The following RANBP10 variants were observed in gnomAD, a reference collection of about 807,000 sequenced individuals.
The protein encoded by RANBP10 is ran-binding protein 10.
RANBP10 carries 24 observed loss-of-function variants against 72.8 expected under a neutral mutation model. The ratio of observed to expected loss-of-function variants is 0.33; its 90% CI spans 0.24 to 0.46. The LOEUF (loss-of-function observed/expected upper bound fraction) is 0.46, where lower values mean the gene tolerates loss of function less well. RANBP10 is among the 20% of genes least tolerant of loss of function. RANBP10 has a pLI of 1.00. For synonymous variants in RANBP10, 310 were observed against 322.3 expected (o/e 0.96, Z 0.41); for missense variants, 679 against 817.5 (o/e 0.83, Z 2.07).
intron 3 of RANBP10, among the ~76,000 whole-genome samples, chr16:67,752,235 G>C (rs1466927686): frequency 6.6e-6 from 1 of 152,196 alleles, no homozygotes; most frequent in African/African-American, 2.4e-5. Flanking sequence ...TTAAGTTAAA[G>C]CCCTTGAAGT....
intron 2 of RANBP10, among the ~76,000 whole-genome samples, chr16:67,795,463 C>A (rs530036429): frequency 6.6e-6 from 1 of 151,494 alleles, no homozygotes; most frequent in Non-Finnish European, 1.5e-5. Context: ...CGCTTGAACC[C>A]GGGAGGCGGA....
Position 67,772,056 on chromosome 16 carries a change from G to A in RANBP10, c.378C>T (p.Gly126=), listed in dbSNP as rs906802766. The part of the protein sequence containing the change: ...GYMGIGLSAQ[G]VNMNRLPGWD... ...CACCAGGAAGTCTGTTCATGTTGAC[G>A]CCTTGAGCCGAGAGTCCTATTCCCA... Residue 126 remains glycine, a synonymous_variant, in exon 3 of 14, where the codon GGC becomes GGT. Transcript: ENST00000317506. The A allele has an allele frequency of 1.3e-5, 21 of 1,594,796 alleles. No homozygotes were observed. Among genetic ancestry groups the A allele is most frequent in the East Asian group, 6.8e-5 (3 of 44,390 alleles).
At chr16:67,803,862 G>A (rs1188776653) in intron 2 of RANBP10, among the ~76,000 whole-genome samples, 2 of 149,134 alleles carry the variant, frequency 1.3e-5, no homozygotes, top group African/African-American at 4.9e-5. Context: ...GAGAGAGAGA[G>A]AGAAAGATAC....
chr16:67,799,500 G>A (rs1030961646), intron 2 of RANBP10, among the ~76,000 whole-genome samples: 8 of 152,158 alleles, frequency 5.3e-5, no homozygotes, highest in South Asian at 2.1e-4. Context: ...TGTTAGCCAC[G>A]ATGGTCTCGA....
intron 2 of RANBP10, among the ~76,000 whole-genome samples, chr16:67,799,795 G>A (rs1034153051): frequency 2.0e-5 from 3 of 151,956 alleles, no homozygotes; most frequent in Non-Finnish European, 2.9e-5. Context: ...CGACACCACC[G>A]GTGGGGCCTC....
At chr16:67,767,620 G>A (rs1044748451) in intron 3 of RANBP10, among the ~76,000 whole-genome samples, 238 of 149,396 alleles carry the variant, frequency 1.6e-3, no homozygotes, top group African/African-American at 5.6e-3. Context: ...TTTTTGAGAC[G>A]GCGTCTCGCT....
chr16:67,775,168 AG>A (rs1322009064), intron 2 of RANBP10, among the ~76,000 whole-genome samples: 1 of 151,970 alleles, frequency 6.6e-6, no homozygotes, highest in Non-Finnish European at 1.5e-5. Flanking sequence ...AAAAATTAGC[AG>A]GGTGTGGTGG....
Position 67,730,189 on chromosome 16 carries a change from G to C in RANBP10, c.890-143C>G. 1.4e-6 allele frequency: 1 copy of C among 689,830 alleles called. No homozygotes were observed. The highest frequency in any genetic ancestry group is 2.5e-6 in the Non-Finnish European group (1 of 406,386). The allele number at this position is 689,830 out of a possible 1,614,324, so 42.7% of individuals were successfully genotyped here. A position where few individuals can be genotyped will look rare whatever the true frequency, so the allele number is the denominator to read the frequency against. Reference sequence around the variant, plus strand: ...AATGCTCACAGGAGAGGAGGCTGGAGAAAGAACCTGACTGCCCAGCCCAAC... The same window carrying C: ...AATGCTCACAGGAGAGGAGGCTGGACAAAGAACCTGACTGCCCAGCCCAAC... On this transcript the variant is annotated intron_variant, in intron 7 of 13. Transcript: ENST00000317506. This position sits in a 1 kb window ranked among gnomAD's most constrained non-coding sequence, Gnocchi z 4.3.
intron 2 of RANBP10, among the ~76,000 whole-genome samples, chr16:67,775,382 A>G (rs983628622): frequency 6.6e-6 from 1 of 152,196 alleles, no homozygotes; most frequent in African/African-American, 2.4e-5. Flanking sequence ...CCTTTCATCT[A>G]AGATGCCTGC....
intron 3 of RANBP10, among the ~76,000 whole-genome samples, chr16:67,769,673 G>A (rs1232086615): frequency 2.1e-5 from 3 of 142,882 alleles, no homozygotes; most frequent in Non-Finnish European, 4.5e-5. Flanking sequence ...ACCAACCCAG[G>A]AGGCAGAGCT....
rs2054773556 is a variant in RANBP10 at position 67,779,529 on chromosome 16, T to C, written c.348-7443A>G. On this transcript the variant is annotated intron_variant, in intron 2 of 13. Coordinates refer to ENST00000317506, the MANE Select transcript of RANBP10 (RefSeq NM_020850.3). ...ATTCTCCTGTACACATACTGCAGTA[T>C]CTTTGCATCTATGGAACAGGAAGAA... 2.0e-5 allele frequency among the ~76,000 whole-genome samples: 3 copies of C among 152,092 alleles called. No homozygotes were observed. The South Asian group carries it at 6.2e-4, about 31-fold the overall frequency.
At chr16:67,792,426 G>C (rs1270611745) in intron 2 of RANBP10, among the ~76,000 whole-genome samples, 1 of 152,024 alleles carries the variant, frequency 6.6e-6, no homozygotes, top group Non-Finnish European at 1.5e-5. Context: ...GCCAGGCGTA[G>C]TGGCGGACGC....
chr16:67,787,216 G>A (rs1332227658), intron 2 of RANBP10, among the ~76,000 whole-genome samples: 3 of 152,078 alleles, frequency 2.0e-5, no homozygotes, highest in Admixed American at 2.0e-4. Context: ...TCTAGCCTGG[G>A]TGACAGAGTG....
chr16:67,751,524 C>G (rs1431914270), intron 3 of RANBP10, among the ~76,000 whole-genome samples: 1 of 151,992 alleles, frequency 6.6e-6, no homozygotes, highest in Non-Finnish European at 1.5e-5. Context: ...ACTTGGGAGG[C>G]TGAAGCATGA....
intron 3 of RANBP10, among the ~76,000 whole-genome samples, chr16:67,758,475 C>A (rs2054331574): frequency 6.6e-6 from 1 of 152,114 alleles, no homozygotes; most frequent in African/African-American, 2.4e-5. Context: ...GGGTCCTGAG[C>A]GACGGCCAAC....
intron 3 of RANBP10, among the ~76,000 whole-genome samples, chr16:67,749,290 C>A (rs944786902): frequency 6.6e-6 from 1 of 152,210 alleles, no homozygotes; most frequent in Non-Finnish European, 1.5e-5. Flanking sequence ...TGAGCTTTCA[C>A]ATCTTTTTAT....
At chr16:67,771,654 C>A (rs1263845011) in intron 3 of RANBP10, among the ~76,000 whole-genome samples, 1 of 152,154 alleles carries the variant, frequency 6.6e-6, no homozygotes, top group African/African-American at 2.4e-5. Flanking sequence ...AAACTTTGAT[C>A]TTTAACACGA....
intron 2 of RANBP10, among the ~76,000 whole-genome samples, chr16:67,784,513 G>A (rs77256155): frequency 5.3e-5 from 8 of 152,170 alleles, no homozygotes; most frequent in South Asian, 4.1e-4. Context: ...AAAATTAGCC[G>A]GGCGTGGTGG....
At chr16:67,800,887 C>T (rs1022183153) in intron 2 of RANBP10, among the ~76,000 whole-genome samples, 3 of 152,190 alleles carry the variant, frequency 2.0e-5, no homozygotes, top group Non-Finnish European at 2.9e-5. Context: ...TGTTCCCAGG[C>T]TCTGCCTCCT....
Sources: gnomAD v4.1 joint callset for allele counts (sites outside exome capture counted in the v4.1 genomes callset) on GRCh38, gnomAD v4.1.1 for gene constraint, Gnocchi (gnomAD v3.1) non-coding constraint, MANE v1.5 for transcripts, NCBI Gene and HGNC (gene_info 2026-07-23, HGNC 2026-07-21) for gene names.